NLRP1: variants seen among roughly 807,000 people sequenced by gnomAD.
The protein encoded by NLRP1 is NLR family pyrin domain containing 1, also known as NACHT, LRR and PYD domains-containing protein 1.
Under a neutral mutation model 136.7 loss-of-function variants are expected in NLRP1, and 94 were observed. The ratio of observed to expected loss-of-function variants is 0.69; its 90% CI spans 0.58 to 0.82. NLRP1 has a LOEUF of 0.82. NLRP1 is among the 40% of genes least tolerant of loss of function. The pLI is 0.00. For synonymous variants in NLRP1, 690 were observed against 725.1 expected (o/e 0.95, Z 0.78); for missense variants, 1,575 against 1,802.7 (o/e 0.87, Z 2.29).
Position 5,514,426 on chromosome 17 carries a change from C to T in NLRP1, c.*328G>A. ...AGCCAGAGGCAAATGGTTCCATGTCCCTCCTATTCCTCTTTGCGCCTGGAT... is the reference window on the plus strand; with the variant it reads ...AGCCAGAGGCAAATGGTTCCATGTCTCTCCTATTCCTCTTTGCGCCTGGAT... On this transcript the variant is annotated 3_prime_UTR_variant, in exon 17 of 17. Transcript: ENST00000572272. The T allele has an allele frequency of 6.9e-6, 8 of 1,162,252 alleles. No homozygotes were observed. The highest frequency in any genetic ancestry group is 8.6e-6 in the Non-Finnish European group (8 of 935,062). 72.0% of individuals were successfully genotyped at this position (1,162,252 alleles called of 1,614,324 possible). A position where few individuals can be genotyped will look rare whatever the true frequency, so the allele number is the denominator to read the frequency against.
intron 3 of NLRP1, among the ~76,000 whole-genome samples, chr17:5,579,882 A>C (rs1905413330): frequency 6.6e-6 from 1 of 152,310 alleles, no homozygotes; most frequent in South Asian, 2.1e-4. Flanking sequence ...GGACACATAA[A>C]AGGAACAATA....
chr17:5,521,279 C>T (rs1276781120), intron 13 of NLRP1, among the ~76,000 whole-genome samples: 1 of 152,182 alleles, frequency 6.6e-6, no homozygotes, highest in Non-Finnish European at 1.5e-5. Flanking sequence ...GATTCCTGGA[C>T]AGGGGCCGTA....
At chr17:5,578,984 C>T (rs2151827421) in intron 3 of NLRP1, among the ~76,000 whole-genome samples, 1 of 152,134 alleles carries the variant, frequency 6.6e-6, no homozygotes, top group South Asian at 2.1e-4. Context: ...AGCTGGAAAC[C>T]ATCATTCTCA....
rs201501117 is a variant in NLRP1 at position 5,542,018 on chromosome 17, G to A, written c.2538C>T (p.Gly846=). The stretch of plus-strand genomic sequence containing the variant: ...TGCAGTCCTCAGCTGTGAGGCCACA[G>A]CCAGCCAACCTGTGGAAGACACACA... ...RCLLETLRLA[G]CGLTAEDCKD... is the part of the protein sequence containing the mutation. Residue 846 remains glycine, a synonymous_variant, in exon 6 of 17, where the codon GGC becomes GGT. Transcript: ENST00000572272. The A allele has an allele frequency of 1.2e-5, 19 of 1,613,116 alleles. No homozygotes were observed. In the African/African-American group the frequency reaches 1.9e-4, roughly 16 times the overall value.
intron 3 of NLRP1, among the ~76,000 whole-genome samples, chr17:5,576,804 C>CA (rs886995888): frequency 2.9e-4 from 44 of 150,378 alleles, no homozygotes; most frequent in South Asian, 2.3e-3. Flanking sequence ...AGAGACACAA[C>CA]AAAAAAAAAG....
intron 5 of NLRP1, among the ~76,000 whole-genome samples, chr17:5,543,407 A>G (rs1912133959): frequency 6.6e-6 from 1 of 152,206 alleles, no homozygotes; most frequent in African/African-American, 2.4e-5. Context: ...ATGTTAGCGT[A>G]AAGGCTACCC....
intron 5 of NLRP1, among the ~76,000 whole-genome samples, chr17:5,543,375 A>G (rs1280557049): frequency 1.3e-5 from 2 of 152,194 alleles, no homozygotes; most frequent in African/African-American, 2.4e-5. Flanking sequence ...ATGTGAAATC[A>G]CAGCACGCGG....
At chr17:5,582,945 G>A (rs1905861520) in intron 1 of NLRP1, 99 bp from the exon 2 acceptor site, 2 of 913,380 alleles carry the variant, frequency 2.2e-6, no homozygotes, top group Non-Finnish European at 3.3e-6. Flanking sequence ...AGAGAGGTCA[G>A]GATACACCAG....
intron 3 of NLRP1, among the ~76,000 whole-genome samples, chr17:5,569,498 A>G (rs1915653980): frequency 6.6e-6 from 1 of 152,210 alleles, no homozygotes; most frequent in Non-Finnish European, 1.5e-5. Context: ...AACAGACTTC[A>G]AATCAACATC....
chr17:5,514,993 A>G lies in NLRP1; in HGVS notation c.4183T>C (p.Ser1395Pro). The G allele has an allele frequency of 1.2e-6, 2 of 1,614,156 alleles. No individual in the cohort carries two copies. Among genetic ancestry groups the G allele is most frequent in the Non-Finnish European group, 1.7e-6 (2 of 1,180,032 alleles). The change falls in exon 17 of 17, where the codon TCG (serine) becomes CCG (proline). Residue 1395 changes from serine (S) to proline (P), a missense_variant. Ser to Pro is a moderately conservative substitution (Grantham distance 74). Transcript: ENST00000572272. ...AGTTTGTCCAAGACAACCTCCACCG[A>G]TGTCACTCGGGCTATCAGCTGCTCT... The part of the protein sequence containing the change: ...YREQLIARVT[S>P]VEVVLDKLHG...
intron 5 of NLRP1, among the ~76,000 whole-genome samples, chr17:5,552,134 C>T (rs970155491): frequency 6.6e-5 from 8 of 121,634 alleles, no homozygotes; most frequent in Non-Finnish European, 1.1e-4. Flanking sequence ...GTATTTATAA[C>T]TATAAACTTC....
intron 5 of NLRP1, among the ~76,000 whole-genome samples, chr17:5,549,185 T>C (rs1913023903): frequency 6.6e-6 from 1 of 152,230 alleles, no homozygotes. Context: ...GTTTTCCTAA[T>C]TTAATTTTTG....
chr17:5,526,122 G>A (rs117696574), intron 12 of NLRP1, among the ~76,000 whole-genome samples: 2,628 of 152,006 alleles, frequency 0.017, 137 homozygotes, highest in South Asian at 0.16. Flanking sequence ...CTACAGGTGC[G>A]CACCACCATG....
intron 15 of NLRP1, among the ~76,000 whole-genome samples, chr17:5,516,961 C>T (rs1004237086): frequency 1.1e-4 from 16 of 152,126 alleles, no homozygotes; most frequent in African/African-American, 3.6e-4. Context: ...ACTAAGAGTC[C>T]ATAAATTTTC....
At chr17:5,511,804 T>TTTCC (rs200509607), downstream of NLRP1, among the ~76,000 whole-genome samples, 539 of 141,940 alleles carry the variant, frequency 3.8e-3, 4 homozygotes, top group African/African-American at 0.013. Context: ...CCTTTCTCTC[T>TTTCC]TTCCTTCCTT....
chr17:5,526,993 T>C (rs1426939321), intron 12 of NLRP1, among the ~76,000 whole-genome samples: 1 of 152,192 alleles, frequency 6.6e-6, no homozygotes, highest in African/African-American at 2.4e-5. Context: ...TGTCAGGCAG[T>C]GAGGTCATCG....
rs35006823 is a variant in NLRP1 at position 5,533,551 on chromosome 17, GTTT to G, written c.3053-170_3053-168del. On this transcript the variant is annotated intron_variant, in intron 9 of 16. Transcript: ENST00000572272. The stretch of plus-strand genomic sequence containing the variant: ...AGCCTGAACACTAGAGTGAGACTCT[GTTT>G]TTTTTTTTTTTTTTTTTTTTTTAGA... 6.8e-4 allele frequency among the ~76,000 whole-genome samples: 61 copies of G among 90,030 alleles called. 2 individuals are homozygous for G. The highest frequency in any genetic ancestry group is 7.1e-3 in the Middle Eastern group (1 of 140). 59.1% of individuals were successfully genotyped at this position (90,030 alleles called of 152,430 possible).
At chr17:5,516,652 A>C (rs190368713) in intron 15 of NLRP1, among the ~76,000 whole-genome samples, 1 of 152,366 alleles carries the variant, frequency 6.6e-6, no homozygotes, top group Admixed American at 6.5e-5. Flanking sequence ...CAAATTAGTC[A>C]TTATGATCCT....
intron 3 of NLRP1, among the ~76,000 whole-genome samples, chr17:5,576,268 C>T (rs1905009732): frequency 6.6e-6 from 1 of 152,120 alleles, no homozygotes; most frequent in Non-Finnish European, 1.5e-5. Context: ...CAAGAAATAA[C>T]TAAGATCAGA....
Sources: allele counts gnomAD v4.1 joint callset (sites outside exome capture counted in the v4.1 genomes callset), GRCh38; gene constraint gnomAD v4.1.1; transcripts MANE v1.5; gene names NCBI Gene and HGNC (gene_info 2026-07-23, HGNC 2026-07-21).